Variants in ARL15 observed in about 807,000 individuals in gnomAD.
The protein encoded by ARL15 is ADP-ribosylation factor-like protein 15.
Under a neutral mutation model 25.2 loss-of-function variants are expected in ARL15, and 19 were observed. The observed-to-expected ratio is 0.75, with a 90% CI of 0.53 to 1.10. ARL15 has a LOEUF of 1.10. ARL15 is among the 50% of genes least tolerant of loss of function. The pLI, the probability that ARL15 is intolerant of heterozygous loss-of-function variation, is 0.00. For missense variants in ARL15, 220 were observed against 246.0 expected, an observed-to-expected ratio of 0.89 and a Z score of 0.71; for synonymous variants, 94 against 86.8, an observed-to-expected ratio of 1.08 and a Z score of -0.46.
chr5:54,236,317 T>C (rs979624031), intron 1 of ARL15, among the ~76,000 whole-genome samples: 1 of 152,218 alleles, frequency 6.6e-6, no homozygotes, highest in East Asian at 1.9e-4. Flanking sequence ...GCCTCAGCCA[T>C]ACAGCCTGGT....
rs1332454984 is a variant in ARL15 at position 53,884,069 on chromosome 5, T to A, written c.*2492A>T. 2 of 152,146 alleles carry A rather than the reference T, an allele frequency of 1.3e-5. No homozygotes were observed. Among genetic ancestry groups the A allele is most frequent in the Non-Finnish European group, 2.9e-5 (2 of 68,024 alleles). The allele number at this position is 152,146 out of a possible 1,614,324, so 9.4% of individuals were successfully genotyped here. A position where few individuals can be genotyped will look rare whatever the true frequency, so the allele number is the denominator to read the frequency against. Reference sequence around the variant, plus strand: ...TTAGCCTCTAAGTACAGGTACAGTATTTTTTTAATAGAAAGACAGGGCAAT... The same window carrying A: ...TTAGCCTCTAAGTACAGGTACAGTAATTTTTTAATAGAAAGACAGGGCAAT... On this transcript the variant is annotated 3_prime_UTR_variant, in exon 5 of 5. Coordinates refer to ENST00000504924, the MANE Select transcript of ARL15 (RefSeq NM_019087.3).
chr5:54,208,867 C>G (rs752430111), intron 1 of ARL15, among the ~76,000 whole-genome samples: 1 of 152,118 alleles, frequency 6.6e-6, no homozygotes, highest in Non-Finnish European at 1.5e-5. Flanking sequence ...TGGCGTAGAT[C>G]AGAAGCTCTG....
At chr5:54,182,393 T>G (rs1276669449) in intron 1 of ARL15, among the ~76,000 whole-genome samples, 1 of 145,776 alleles carries the variant, frequency 6.9e-6, no homozygotes, top group East Asian at 2.0e-4. Context: ...CAGCACCATT[T>G]ATTAAATAGG....
chr5:54,064,968 G>C (rs1751174466), intron 4 of ARL15, among the ~76,000 whole-genome samples: 1 of 152,154 alleles, frequency 6.6e-6, no homozygotes, highest in South Asian at 2.1e-4. Context: ...CCAATGCTCT[G>C]AGTATACCCA....
At chr5:54,070,694 T>A (rs1353583281) in intron 4 of ARL15, among the ~76,000 whole-genome samples, 2 of 149,476 alleles carry the variant, frequency 1.3e-5, no homozygotes, top group Non-Finnish European at 3.0e-5. Context: ...TACAAAAAAA[T>A]ATTGGCTGAG....
chr5:53,960,427 A>G (rs1408981015), intron 4 of ARL15, among the ~76,000 whole-genome samples: 1 of 152,186 alleles, frequency 6.6e-6, no homozygotes, highest in African/African-American at 2.4e-5. Flanking sequence ...GCCCAAACCA[A>G]TGAGGCTAGG....
At chr5:53,916,601 G>A (rs1215754844) in intron 4 of ARL15, among the ~76,000 whole-genome samples, 1 of 152,136 alleles carries the variant, frequency 6.6e-6, no homozygotes, top group Non-Finnish European at 1.5e-5. Context: ...GACAGGGGCA[G>A]GTGACATGTT....
At chr5:54,167,918 G>A (rs702626) in intron 2 of ARL15, among the ~76,000 whole-genome samples, 68,476 of 151,868 alleles carry the variant, frequency 0.45, 16,068 homozygotes, top group East Asian at 0.83. Flanking sequence ...TAATTACCAC[G>A]TTGTCACCAC....
At chr5:54,029,321 C>T (rs1416807718) in intron 4 of ARL15, among the ~76,000 whole-genome samples, 15 of 117,700 alleles carry the variant, frequency 1.3e-4, no homozygotes, top group Admixed American at 1.7e-4. Context: ...CCACCACCAC[C>T]ACCACCACCA....
intron 4 of ARL15, among the ~76,000 whole-genome samples, chr5:53,983,459 G>A (rs940697945): frequency 6.6e-6 from 1 of 152,092 alleles, no homozygotes; most frequent in African/African-American, 2.4e-5. Context: ...TGTGGGGGAA[G>A]GCTGCTTAAA....
intron 4 of ARL15, among the ~76,000 whole-genome samples, chr5:53,916,372 G>A (rs1197328492): frequency 6.6e-6 from 1 of 151,652 alleles, no homozygotes; most frequent in Non-Finnish European, 1.5e-5. Flanking sequence ...GGTGGGAGGA[G>A]GGAGAGATTT....
chr5:53,975,060 T>C (rs1747882709), intron 4 of ARL15, among the ~76,000 whole-genome samples: 1 of 152,208 alleles, frequency 6.6e-6, no homozygotes, highest in Non-Finnish European at 1.5e-5. Context: ...GCAGTGGTTG[T>C]GTGGGCCTGA....
At chr5:54,216,685 T>C (rs1241681637) in intron 1 of ARL15, among the ~76,000 whole-genome samples, 18 of 152,076 alleles carry the variant, frequency 1.2e-4, no homozygotes, top group Non-Finnish European at 2.6e-4. Flanking sequence ...TACTAATCAT[T>C]CCATGGAGGG....
chr5:54,099,400 T>A (rs74701031), intron 4 of ARL15, among the ~76,000 whole-genome samples: 4,593 of 152,064 alleles, frequency 0.03, 236 homozygotes, highest in African/African-American at 0.1. Flanking sequence ...TAAAAAAAAA[T>A]TTCTGCCCGC....
At chr5:54,282,756 C>A (rs112992525) in intron 1 of ARL15, among the ~76,000 whole-genome samples, 3 of 152,184 alleles carry the variant, frequency 2.0e-5, no homozygotes, top group African/African-American at 4.8e-5. Flanking sequence ...AGAAAAAAAT[C>A]TCTATAAAAG....
intron 1 of ARL15, among the ~76,000 whole-genome samples, chr5:54,236,761 T>G (rs1252578746): frequency 6.6e-6 from 1 of 152,228 alleles, no homozygotes; most frequent in East Asian, 1.9e-4. Flanking sequence ...TAAAACTCTT[T>G]AATCTTTTAT....
At chr5:54,038,914 T>G (rs1750250736) in intron 4 of ARL15, among the ~76,000 whole-genome samples, 1 of 152,194 alleles carries the variant, frequency 6.6e-6, no homozygotes, top group African/African-American at 2.4e-5. Context: ...ATCTATGCCT[T>G]TACAATTCTT....
chr5:53,885,012 G>T lies in ARL15; in HGVS notation c.*1549C>A, dbSNP rs1554023433. Reference sequence around the variant, plus strand: ...TAAAGAAGTGTTTGATGTTTCAAAGGTAATGATTTCATTACAATCTACTCA... The same window carrying T: ...TAAAGAAGTGTTTGATGTTTCAAAGTTAATGATTTCATTACAATCTACTCA... On this transcript the variant is annotated 3_prime_UTR_variant, in exon 5 of 5. Coordinates refer to ENST00000504924, the MANE Select transcript of ARL15 (RefSeq NM_019087.3). 2.0e-5 allele frequency: 3 copies of T among 152,122 alleles called. 1 individual carries two copies. In the South Asian group the frequency reaches 6.3e-4, roughly 32 times the overall value. 9.4% of individuals were successfully genotyped at this position (152,122 alleles called of 1,614,324 possible).
chr5:53,947,186 G>A lies in ARL15; in HGVS notation c.463-60473C>T, dbSNP rs879432412. ...AATAAGGGTGTGTGTGTGTGTGTGTGTGTGTGTGTGTGTGTGTGTGTGTGT... is the reference window on the plus strand; with the variant it reads ...AATAAGGGTGTGTGTGTGTGTGTGTATGTGTGTGTGTGTGTGTGTGTGTGT... On this transcript the variant is annotated intron_variant, in intron 4 of 4. Transcript: ENST00000504924. Among the ~76,000 whole-genome samples, 105 of 147,534 alleles carry A rather than the reference G, an allele frequency of 7.1e-4. 1 individual carries two copies. The highest frequency in any genetic ancestry group is 1.3e-3 in the Non-Finnish European group (87 of 67,096).
Sources: allele counts gnomAD v4.1 joint callset (sites outside exome capture counted in the v4.1 genomes callset), GRCh38; gene constraint gnomAD v4.1.1; transcripts MANE v1.5; gene names NCBI Gene and HGNC (gene_info 2026-07-23, HGNC 2026-07-21).